PCGF5: variants seen among roughly 807,000 people sequenced by gnomAD.
PCGF5 encodes the protein polycomb group ring finger 5.
PCGF5 carries 9 observed loss-of-function variants against 44.3 expected under a neutral mutation model. The observed-to-expected ratio is 0.20, with a 90% CI of 0.12 to 0.35. The LOEUF (loss-of-function observed/expected upper bound fraction) is 0.35. PCGF5 is among the 10% of genes least tolerant of loss of function. The pLI is 1.00. For synonymous variants in PCGF5, 95 were observed against 102.5 expected (o/e 0.93, Z 0.44); for missense variants, 146 against 305.3 (o/e 0.48, Z 3.89).
intron 9 of PCGF5, among the ~76,000 whole-genome samples, chr10:91,274,406 G>T (rs942373468): frequency 3.3e-5 from 5 of 152,126 alleles, no homozygotes; most frequent in Non-Finnish European, 7.4e-5. Flanking sequence ...TGAATAAAAA[G>T]AATAGCTCAG....
At chr10:91,227,377 C>G in intron 2 of PCGF5, 1 of 1,274,118 alleles carries the variant, frequency 7.8e-7, no homozygotes, top group Non-Finnish European at 1.0e-6. Flanking sequence ...TGTCCTGAAG[C>G]CACCTGAAAC....
intron 6 of PCGF5, among the ~76,000 whole-genome samples, chr10:91,258,502 G>A (rs998849133): frequency 3.9e-5 from 6 of 151,996 alleles, no homozygotes; most frequent in African/African-American, 1.4e-4. Context: ...CAGATTTTGG[G>A]ACATTTCAGA....
chr10:91,177,740 C>A (rs527516775), intron 1 of PCGF5, among the ~76,000 whole-genome samples: 1 of 152,338 alleles, frequency 6.6e-6, no homozygotes, highest in African/African-American at 2.4e-5. Context: ...GCGCCATTTG[C>A]TAAGACCGTC....
chr10:91,183,548 G>A (rs1252529721), intron 1 of PCGF5, among the ~76,000 whole-genome samples: 1 of 152,052 alleles, frequency 6.6e-6, no homozygotes, highest in East Asian at 1.9e-4. Flanking sequence ...TTTAATTGGG[G>A]CATTTAGCCC....
intron 6 of PCGF5, among the ~76,000 whole-genome samples, chr10:91,254,125 T>C (rs925332737): frequency 6.6e-6 from 1 of 151,988 alleles, no homozygotes; most frequent in Non-Finnish European, 1.5e-5. Flanking sequence ...AACCCATTAG[T>C]AAATCGTCCT....
At chr10:91,209,033 ATTG>A (rs1844399969) in intron 1 of PCGF5, among the ~76,000 whole-genome samples, 1 of 152,094 alleles carries the variant, frequency 6.6e-6, no homozygotes, top group African/African-American at 2.4e-5. Context: ...TTATAGGCAG[ATTG>A]TTGTTGGCAC....
intron 8 of PCGF5, among the ~76,000 whole-genome samples, chr10:91,269,344 CA>C (rs1846121745): frequency 6.6e-6 from 1 of 152,180 alleles, no homozygotes; most frequent in Non-Finnish European, 1.5e-5. Flanking sequence ...TATTCATACC[CA>C]GGGGTCATCA....
At chr10:91,225,203 TATATATATCATATATTTG>T (rs1265386934) in intron 2 of PCGF5, among the ~76,000 whole-genome samples, 4 of 148,078 alleles carry the variant, frequency 2.7e-5, no homozygotes, top group African/African-American at 4.9e-5. Context: ...TATATATTTT[TATATATATCATATATTTG>T]ATATATATCA....
intron 1 of PCGF5, among the ~76,000 whole-genome samples, chr10:91,168,828 T>C (rs1479239072): frequency 1.4e-5 from 2 of 147,182 alleles, no homozygotes; most frequent in Non-Finnish European, 3.0e-5. Flanking sequence ...CTAGGGCTGC[T>C]GAGGCAGGAG....
chr10:91,195,515 G>A (rs1177831908), intron 1 of PCGF5, among the ~76,000 whole-genome samples: 1 of 151,304 alleles, frequency 6.6e-6, no homozygotes, highest in Non-Finnish European at 1.5e-5. Flanking sequence ...GAGACGCAGG[G>A]TCTCTGTCAC....
chr10:91,185,502 C>T (rs529106482), intron 1 of PCGF5, among the ~76,000 whole-genome samples: 96 of 152,268 alleles, frequency 6.3e-4, no homozygotes, highest in Non-Finnish European at 1.1e-3. Context: ...AAGTGAGGCC[C>T]GCTGACCATC....
chr10:91,271,259 G>A (rs1846175361), intron 8 of PCGF5, among the ~76,000 whole-genome samples: 1 of 152,120 alleles, frequency 6.6e-6, no homozygotes, highest in Non-Finnish European at 1.5e-5. Context: ...TTCAGGGGAA[G>A]TTGAAGAAGA....
intron 2 of PCGF5, among the ~76,000 whole-genome samples, chr10:91,227,004 A>G (rs1483863860): frequency 3.3e-5 from 5 of 152,196 alleles, no homozygotes; most frequent in Non-Finnish European, 5.9e-5. Flanking sequence ...CTAAATCCGC[A>G]TTAACCATGG....
At chr10:91,165,646 G>A (rs1199675237) in intron 1 of PCGF5, among the ~76,000 whole-genome samples, 3 of 152,116 alleles carry the variant, frequency 2.0e-5, no homozygotes, top group African/African-American at 7.2e-5. Context: ...TGCTGCAGAG[G>A]CCTTAACTCT....
chr10:91,160,280 G>A (rs1449171078), upstream of PCGF5, among the ~76,000 whole-genome samples: 1 of 152,164 alleles, frequency 6.6e-6, no homozygotes, highest in East Asian at 1.9e-4. Context: ...GGATTTGGGC[G>A]AAGTATCTGT....
intron 3 of PCGF5, among the ~76,000 whole-genome samples, chr10:91,247,002 GATA>G (rs1845482738): frequency 6.7e-6 from 1 of 150,086 alleles, no homozygotes; most frequent in African/African-American, 2.5e-5. Flanking sequence ...TAGATAGATA[GATA>G]GATAGATAGA....
At chr10:91,276,802 C>T (rs569192700) in intron 9 of PCGF5, among the ~76,000 whole-genome samples, 10 of 152,080 alleles carry the variant, frequency 6.6e-5, no homozygotes, top group East Asian at 1.9e-4. Context: ...AGGAATCAAA[C>T]GCAAAACTAG....
At chr10:91,221,707 A>T (rs1263876786) in intron 1 of PCGF5, among the ~76,000 whole-genome samples, 1 of 145,286 alleles carries the variant, frequency 6.9e-6, no homozygotes, top group Non-Finnish European at 1.5e-5. Context: ...TTCTGAGAGG[A>T]TACATATTTT....
intron 1 of PCGF5, 72 bp from the exon 2 acceptor site, chr10:91,222,617 G>A: frequency 2.1e-6 from 1 of 486,636 alleles, no homozygotes. Context: ...GCTGTTAATA[G>A]AATGACATTA....
Sources: allele counts gnomAD v4.1 joint callset (sites outside exome capture counted in the v4.1 genomes callset), GRCh38; gene constraint gnomAD v4.1.1; transcripts MANE v1.5; gene names NCBI Gene and HGNC (gene_info 2026-07-23, HGNC 2026-07-21).